Variants in TBXAS1 observed in about 807,000 individuals in gnomAD.
TBXAS1 encodes thromboxane-A synthase.
TBXAS1 carries 48 observed loss-of-function variants against 60.7 expected under a neutral mutation model. That is an observed-to-expected ratio of 0.79 (90% CI 0.63 to 1.01). TBXAS1 has a LOEUF of 1.01. TBXAS1 is among the 50% of genes least tolerant of loss of function. TBXAS1 has a pLI of 0.00. For missense variants in TBXAS1, 685 were observed against 686.3 expected, an observed-to-expected ratio of 1.00 and a Z score of 0.02; for synonymous variants, 287 against 269.7, an observed-to-expected ratio of 1.06 and a Z score of -0.63.
intron 9 of TBXAS1, among the ~76,000 whole-genome samples, chr7:139,979,604 T>G (rs1475268178): frequency 6.6e-6 from 1 of 151,930 alleles, no homozygotes; most frequent in East Asian, 1.9e-4. Flanking sequence ...CGTGAGCCTG[T>G]AGTCCCAGCT....
chr7:139,846,217 G>T (rs543538878), intron 1 of TBXAS1, among the ~76,000 whole-genome samples: 3 of 152,304 alleles, frequency 2.0e-5, no homozygotes, highest in Admixed American at 2.0e-4. Context: ...CACTTCGGCA[G>T]CTTGCTAGTT....
intron 3 of TBXAS1, among the ~76,000 whole-genome samples, chr7:139,900,604 T>G (rs1804489191): frequency 6.6e-6 from 1 of 152,180 alleles, no homozygotes; most frequent in South Asian, 2.1e-4. Context: ...CAAACTAACT[T>G]TAGCACAAAC....
intron 4 of TBXAS1, among the ~76,000 whole-genome samples, chr7:139,923,758 C>G (rs962417260): frequency 1.3e-5 from 2 of 151,634 alleles, no homozygotes; most frequent in African/African-American, 4.8e-5. Flanking sequence ...CTATTTTTTT[C>G]CACCCATTAA....
intron 4 of TBXAS1, among the ~76,000 whole-genome samples, chr7:139,927,067 T>C (rs1193516752): frequency 6.6e-6 from 1 of 152,078 alleles, no homozygotes; most frequent in Non-Finnish European, 1.5e-5. Flanking sequence ...TGATCTCAGC[T>C]CACTGCAACC....
chr7:139,827,135 G>A (rs978821423), upstream of TBXAS1, among the ~76,000 whole-genome samples: 2 of 152,252 alleles, frequency 1.3e-5, no homozygotes, highest in South Asian at 2.1e-4. Context: ...CTGGGTGAAG[G>A]CAGCAGCCTT....
At chr7:139,940,400 A>C (rs1159744945) in intron 5 of TBXAS1, among the ~76,000 whole-genome samples, 2 of 152,190 alleles carry the variant, frequency 1.3e-5, no homozygotes, top group Non-Finnish European at 2.9e-5. Context: ...CATGAGAATC[A>C]CCTAGGACCC....
intron 1 of TBXAS1, among the ~76,000 whole-genome samples, chr7:139,841,980 T>C (rs990009312): frequency 2.0e-5 from 3 of 152,198 alleles, no homozygotes; most frequent in Non-Finnish European, 4.4e-5. Context: ...GTCCATATTT[T>C]GGCAAATAGA....
intron 3 of TBXAS1, among the ~76,000 whole-genome samples, chr7:139,903,189 T>C (rs144824251): frequency 6.6e-6 from 1 of 152,226 alleles, no homozygotes; most frequent in Admixed American, 6.5e-5. Context: ...AGTGAGAACA[T>C]AGGATGTTTG....
At chr7:140,007,237 G>C in intron 10 of TBXAS1, 55 bp downstream of exon 10, 1 of 1,531,690 alleles carries the variant, frequency 6.5e-7, no homozygotes, top group Non-Finnish European at 9.0e-7. Flanking sequence ...CCTACCCCCT[G>C]CCCCAGCCTG....
chr7:139,994,811 T>C (rs939214763), intron 9 of TBXAS1, among the ~76,000 whole-genome samples: 3 of 152,186 alleles, frequency 2.0e-5, no homozygotes, highest in South Asian at 2.1e-4. Context: ...AAAAGAGAGC[T>C]GTTCAATAAT....
At position 139,916,101 on chromosome 7, in the gene TBXAS1, C is replaced by G. The variant is rs1805944056; in HGVS notation, c.333+4780C>G. Among the ~76,000 whole-genome samples the G allele has an allele frequency of 6.6e-6, 1 of 152,200 alleles. No homozygotes were observed. Among genetic ancestry groups the G allele is most frequent in the South Asian group, 2.1e-4 (1 of 4,836 alleles). The stretch of plus-strand genomic sequence containing the variant: ...ATTTAGATATTTTCAATGAGCTCTT[C>G]TTTGCTGTCAGGTACGGTACCTAAT... On this transcript the variant is annotated intron_variant, in intron 4 of 12. Transcript: ENST00000448866. This position sits in a 1 kb window ranked among gnomAD's most constrained non-coding sequence, Gnocchi z 4.2.
chr7:139,786,474 CAGAT>C (rs1209986246), intron 3 of TBXAS1, among the ~76,000 whole-genome samples: 1 of 152,134 alleles, frequency 6.6e-6, no homozygotes, highest in African/African-American at 2.4e-5. Flanking sequence ...AAAAGTTTCA[CAGAT>C]AGACCTTTTA....
At chr7:139,837,928 A>G (rs940887102) in intron 1 of TBXAS1, among the ~76,000 whole-genome samples, 19 of 152,202 alleles carry the variant, frequency 1.2e-4, no homozygotes, top group African/African-American at 4.6e-4. Flanking sequence ...CTCCTATCTC[A>G]TTACAGTTCT....
At chr7:139,861,089 G>C (rs1800927487) in intron 1 of TBXAS1, among the ~76,000 whole-genome samples, 1 of 151,008 alleles carries the variant, frequency 6.6e-6, no homozygotes, top group Non-Finnish European at 1.5e-5. Flanking sequence ...CAGGAGAATT[G>C]CTTGAGCCCG....
intron 7 of TBXAS1, chr7:139,957,433 C>T (rs956690262): frequency 3.1e-5 from 20 of 649,314 alleles, no homozygotes; most frequent in Non-Finnish European, 5.2e-5. Flanking sequence ...TGAGTGCTTA[C>T]TATGTGCCAG....
rs115996746 is a variant in TBXAS1, at chr7:139,937,646, G to A, written c.450+1339G>A. Among the ~76,000 whole-genome samples, 1,175 of 152,210 alleles carry A rather than the reference G, an allele frequency of 7.7e-3. 14 individuals carry two copies. The highest frequency in any genetic ancestry group is 0.027 in the African/African-American group (1,111 of 41,530). On this transcript the variant is annotated intron_variant, in intron 5 of 12. Coordinates refer to ENST00000448866, the MANE Select transcript of TBXAS1 (RefSeq NM_001061.7). ...CACACTGCCTCTTCACCACATTCCT[G>A]CGAGATAAATACCATCATCCTTATT... is the stretch of plus-strand genomic sequence containing the variant.
chr7:139,787,199 T>G (rs1479069631), intron 3 of TBXAS1: 1 of 152,222 alleles, frequency 6.6e-6, no homozygotes, highest in East Asian at 1.9e-4. Context: ...TTCGTTTGTA[T>G]GTATGAGATG....
intron 1 of TBXAS1, among the ~76,000 whole-genome samples, chr7:139,831,609 G>A (rs985782185): frequency 1.3e-5 from 2 of 152,208 alleles, no homozygotes; most frequent in South Asian, 4.1e-4. Context: ...CAGGTGAGAT[G>A]GCAGCAGAGA....
At chr7:139,951,285 G>A (rs1251553060) in intron 5 of TBXAS1, among the ~76,000 whole-genome samples, 2 of 152,048 alleles carry the variant, frequency 1.3e-5, no homozygotes, top group East Asian at 1.9e-4. Flanking sequence ...CATAAAACTG[G>A]CTTTGCGATT....
Sources: allele counts gnomAD v4.1 joint callset (sites outside exome capture counted in the v4.1 genomes callset), GRCh38; gene constraint gnomAD v4.1.1; non-coding constraint Gnocchi (gnomAD v3.1); transcripts MANE v1.5; gene names NCBI Gene and HGNC (gene_info 2026-07-23, HGNC 2026-07-21).